UBTD2: variants seen among roughly 807,000 people sequenced by gnomAD.
The protein encoded by UBTD2 is ubiquitin domain containing 2.
UBTD2 carries 9 observed loss-of-function variants against 19.8 expected under a neutral mutation model. The ratio of observed to expected loss-of-function variants is 0.46; its 90% confidence interval spans 0.27 to 0.79. The LOEUF is 0.79. Among genes scored for constraint, UBTD2 ranks in the 30% least tolerant of loss-of-function variants. The probability of loss-of-function intolerance (pLI) is 0.14; values close to 1 mark genes in which losing one functional copy is unlikely to be tolerated. For synonymous variants in UBTD2, 98 were observed against 103.9 expected (o/e 0.94, Z 0.35); for missense variants, 250 against 300.4 (o/e 0.83, Z 1.24).
At chr5:172,214,896 C>T (rs1455408981) in intron 2 of UBTD2, among the ~76,000 whole-genome samples, 1 of 152,138 alleles carries the variant, frequency 6.6e-6, no homozygotes, top group Non-Finnish European at 1.5e-5. Context: ...TCCATCCTAA[C>T]AAGTAAAAGG....
intron 2 of UBTD2, among the ~76,000 whole-genome samples, chr5:172,212,971 G>C (rs1027101894): frequency 7.1e-6 from 1 of 140,924 alleles, no homozygotes; most frequent in East Asian, 2.2e-4. Context: ...CAGCCCTAGA[G>C]CAGTTTTCTT....
At position 172,225,442 on chromosome 5, in the gene UBTD2, G is replaced by A. The variant is rs193117033; in HGVS notation, c.307+8680C>T. On this transcript the variant is annotated intron_variant, in intron 2 of 2. Transcript: ENST00000393792. ...ATAATACCTTTACTAAATGTCATTA[G>A]GACTAATGCTTTATACTGTTTTTCA... 1.3e-4 allele frequency among the ~76,000 whole-genome samples: 20 copies of A among 152,228 alleles called. No homozygotes were observed. The East Asian group carries it at 3.9e-3, about 29-fold the overall frequency.
rs1163592636 is a variant in UBTD2, at chr5:172,283,379, G to A, written c.70+217C>T. On this transcript the variant is annotated intron_variant, in intron 1 of 2. Transcript: ENST00000393792. The surrounding 1 kb of genome is among the most constrained non-coding windows in gnomAD (Gnocchi z 4.3). ...GGCGGTCGGCGAGGCCAAGGGCTAC[G>A]TCCCCGGCGCTCAGAGGACTTTTCT... 6.6e-6 allele frequency among the ~76,000 whole-genome samples: 1 copy of A among 152,210 alleles called. No individual in the cohort carries two copies. The highest frequency in any genetic ancestry group is 1.9e-4 in the East Asian group (1 of 5,188).
rs1236535387 is a variant in UBTD2 at position 172,212,092 on chromosome 5, G to T, written c.443C>A (p.Ser148Tyr). Reference protein sequence around the residue: ...TLDIPEPPPNSGYECQLRLRL... With the variant: ...TLDIPEPPPNYGYECQLRLRL... ...CAAACGAAGCTGACATTCATATCCAGAATTGGGTGGTGGCTCAGGAATATC... is the reference window on the plus strand; with the variant it reads ...CAAACGAAGCTGACATTCATATCCATAATTGGGTGGTGGCTCAGGAATATC... Residue 148 changes from serine (S) to tyrosine (Y), a missense_variant, in exon 3 of 3, where the codon TCT becomes TAT. By Grantham distance (144) the Ser-to-Tyr change is moderately radical (BLOSUM62 -2). Coordinates refer to ENST00000393792, the MANE Select transcript of UBTD2 (RefSeq NM_152277.3). The T allele has an allele frequency of 3.7e-6, 6 of 1,614,084 alleles. No individual in the cohort carries two copies. In the Admixed American group the frequency reaches 1.0e-4, roughly 27 times the overall value.
intron 1 of UBTD2, among the ~76,000 whole-genome samples, chr5:172,274,135 CTTTTT>C (rs555392614): frequency 9.2e-6 from 1 of 108,648 alleles, no homozygotes; most frequent in African/African-American, 3.8e-5. Context: ...TTTTGCTTTA[CTTTTT>C]TTTTTTTTTT....
In UBTD2 at chr5:172,244,295, G is replaced by GTTTTT. The variant is rs1191361417; in HGVS notation, c.71-9942_71-9938dup. 7.4e-3 allele frequency among the ~76,000 whole-genome samples: 933 copies of GTTTTT among 126,016 alleles called. 30 individuals carry two copies. The highest frequency in any genetic ancestry group is 0.027 in the African/African-American group (893 of 33,086). The allele number at this position is 126,016 out of a possible 152,430, so 82.7% of individuals were successfully genotyped here. ...CAAGACTGTTTCCCCTTTCCTCCCA[G>GTTTTT]TTTTTTTTTTTTTTTTTTGAGACAG... On this transcript the variant is annotated intron_variant, in intron 1 of 2. Coordinates refer to ENST00000393792, the MANE Select transcript of UBTD2 (RefSeq NM_152277.3).
chr5:172,225,933 C>CTTTTTTTTTTTTTTTTT (rs57155195), intron 2 of UBTD2, among the ~76,000 whole-genome samples: 1 of 107,500 alleles, frequency 9.3e-6, no homozygotes, highest in Non-Finnish European at 1.8e-5. Flanking sequence ...GGCTTAAACT[C>CTTTTTTTTTTTTTTTTT]TTTTTTTTTT....
intron 1 of UBTD2, among the ~76,000 whole-genome samples, chr5:172,265,276 A>C (rs528986683): frequency 1.2e-4 from 19 of 152,228 alleles, no homozygotes; most frequent in Non-Finnish European, 2.4e-4. Context: ...ACAACTAAGG[A>C]ACCAGTCAGT....
intron 2 of UBTD2, among the ~76,000 whole-genome samples, chr5:172,228,150 T>G (rs1554127635): frequency 6.6e-6 from 1 of 152,236 alleles, no homozygotes; most frequent in Non-Finnish European, 1.5e-5. Context: ...TATTTTGAAG[T>G]ATTCTATATA....
At chr5:172,242,782 T>C (rs189006635) in intron 1 of UBTD2, among the ~76,000 whole-genome samples, 1 of 152,312 alleles carries the variant, frequency 6.6e-6, no homozygotes, top group Non-Finnish European at 1.5e-5. Context: ...TTGATGATCC[T>C]TACCTGAATC....
chr5:172,225,458 C>G (rs1208024657), intron 2 of UBTD2, among the ~76,000 whole-genome samples: 1 of 152,146 alleles, frequency 6.6e-6, no homozygotes, highest in African/African-American at 2.4e-5. Context: ...ATGCTTTATA[C>G]TGTTTTTCAA....
Position 172,211,971 on chromosome 5 carries a change from T to A in UBTD2, c.564A>T (p.Glu188Asp). ...AAAAAAACCACCGCTGACTACCTGG[T>A]TCCACTCCCTCTGCTGCATGCAACC... The part of the protein sequence containing the change: ...KRRLHAAEGV[E>D]PGSQRWFFSG... Residue 188 changes from glutamate to aspartate, a missense_variant, in exon 3 of 3, where the codon GAA becomes GAT. Physicochemically the swap from Glu to Asp is conservative, Grantham distance 45. Coordinates refer to ENST00000393792, the MANE Select transcript of UBTD2 (RefSeq NM_152277.3). 1.2e-6 allele frequency: 2 copies of A among 1,614,190 alleles called. No individual in the cohort carries two copies. The highest frequency in any genetic ancestry group is 1.7e-6 in the Non-Finnish European group (2 of 1,180,020).
chr5:172,221,857 A>G (rs1263689907), intron 2 of UBTD2, among the ~76,000 whole-genome samples: 1 of 152,184 alleles, frequency 6.6e-6, no homozygotes, highest in Non-Finnish European at 1.5e-5. Context: ...CTTCTGAGTG[A>G]TAATGATGTT....
intron 1 of UBTD2, among the ~76,000 whole-genome samples, chr5:172,261,908 C>T (rs1423667323): frequency 5.9e-5 from 9 of 151,956 alleles, no homozygotes; most frequent in Admixed American, 5.9e-4. Context: ...ACAAGCATGA[C>T]CCACCACACC....
In UBTD2 at chr5:172,283,485, GGGA is replaced by G; in HGVS notation, c.70+108_70+110del. ...GAGCGCGGGGAATGACGTGGAAGAGGGGATGACAAAGGGGCGCGGGGGCCCGGC... is the reference window on the plus strand; with the variant it reads ...GAGCGCGGGGAATGACGTGGAAGAGGTGACAAAGGGGCGCGGGGGCCCGGC... On this transcript the variant is annotated intron_variant, in intron 1 of 2. Transcript: ENST00000393792. This position sits in a 1 kb window ranked among gnomAD's most constrained non-coding sequence, Gnocchi z 4.3. 1.2e-6 allele frequency: 1 copy of G among 806,064 alleles called. No individual in the cohort carries two copies. The highest frequency in any genetic ancestry group is 4.5e-5 in the Admixed American group (1 of 22,010). The allele number at this position is 806,064 out of a possible 1,614,324, so 49.9% of individuals were successfully genotyped here.
chr5:172,218,128 ATGTCTGCTTATACCATAATGGAAATAAAC>A (rs1248466120), intron 2 of UBTD2, among the ~76,000 whole-genome samples: 1 of 152,232 alleles, frequency 6.6e-6, no homozygotes, highest in African/African-American at 2.4e-5. Context: ...AAATCATACA[ATGTCTGCTTATACCATAATGGAAATAAAC>A]TGGAAATGAA....
At position 172,212,097 on chromosome 5, in the gene UBTD2, G is replaced by C. The variant is rs1347775244; in HGVS notation, c.438C>G (p.Pro146=). The part of the protein sequence containing the change: ...IETLDIPEPP[P]NSGYECQLRL... ...GAAGCTGACATTCATATCCAGAATT[G>C]GGTGGTGGCTCAGGAATATCCAGAG... The change falls in exon 3 of 3, where the codon CCC becomes CCG. Residue 146 remains proline, a synonymous_variant. Transcript: ENST00000393792. 5 of 1,614,062 alleles carry C rather than the reference G, an allele frequency of 3.1e-6. No homozygotes were observed. Among genetic ancestry groups the C allele is most frequent in the Admixed American group, 1.7e-5 (1 of 60,000 alleles).
At position 172,272,939 on chromosome 5, in the gene UBTD2, C is replaced by T. The variant is rs144262657; in HGVS notation, c.70+10657G>A. Among the ~76,000 whole-genome samples the T allele has an allele frequency of 5.5e-3, 831 of 152,016 alleles. 9 individuals are homozygous for T. Among genetic ancestry groups the T allele is most frequent in the African/African-American group, 0.018 (761 of 41,464 alleles). On this transcript the variant is annotated intron_variant, in intron 1 of 2. Transcript: ENST00000393792. The stretch of plus-strand genomic sequence containing the variant: ...ACTAAAAATACAAAAATTAGCTGGG[C>T]GTAGTCGCACACCTGTAGTCCCAGC...
intron 1 of UBTD2, among the ~76,000 whole-genome samples, chr5:172,266,006 T>C (rs548337265): frequency 1.1e-4 from 17 of 151,702 alleles, no homozygotes; most frequent in Non-Finnish European, 2.5e-4. Context: ...TGATCTCAGC[T>C]CATTGCAACC....
Sources: allele counts gnomAD v4.1 joint callset (sites outside exome capture counted in the v4.1 genomes callset), GRCh38; gene constraint gnomAD v4.1.1; non-coding constraint Gnocchi (gnomAD v3.1); transcripts MANE v1.5; gene names NCBI Gene and HGNC (gene_info 2026-07-23, HGNC 2026-07-21).